CEP162: variants seen among roughly 807,000 people sequenced by gnomAD.
CEP162 encodes the protein centrosomal protein 162, also known as centrosomal protein of 162 kDa.
A neutral mutation model predicts 169.2 loss-of-function variants in CEP162; 141 were observed. The ratio of observed to expected loss-of-function variants is 0.83; its 90% CI spans 0.73 to 0.96. The LOEUF (loss-of-function observed/expected upper bound fraction) is 0.96. CEP162 is among the 40% of genes least tolerant of loss of function. The pLI, the probability that CEP162 is intolerant of heterozygous loss-of-function variation, is 0.00. For synonymous variants in CEP162, 540 were observed against 526.4 expected (o/e 1.03, Z -0.35); for missense variants, 1,600 against 1,587.2 (o/e 1.01, Z -0.14).
chr6:84,215,137 A>C lies in CEP162; in HGVS notation c.503+145T>G, dbSNP rs1223905015. On this transcript the variant is annotated intron_variant, in intron 5 of 26. Transcript: ENST00000403245. ...CTACTCACACATAAGAAAAACCCTA[A>C]CTATAAAATGAACAGATAATAGATT... 4 of 461,994 alleles carry C rather than the reference A, an allele frequency of 8.7e-6. No individual in the cohort carries two copies. The South Asian group carries it at 1.8e-4, about 21-fold the overall frequency. 28.6% of individuals were successfully genotyped at this position (461,994 alleles called of 1,614,324 possible).
At chr6:84,128,890 G>A (rs1393751021) in intron 25 of CEP162, among the ~76,000 whole-genome samples, 2 of 143,324 alleles carry the variant, frequency 1.4e-5, no homozygotes, top group African/African-American at 5.2e-5. Context: ...CCCCTCCTAT[G>A]TCACTGTGTT....
At position 84,152,854 on chromosome 6, in the gene CEP162, GTT is replaced by G. The variant is rs1562017840; in HGVS notation, c.3318_3319del (p.Lys1106AsnfsTer38). Reference sequence around the variant, plus strand: ...TCTGTCTTTCTGAAGCCTCTCCACAGTTTTTGAGAGGTCTTGTATTTCTCTCT... The same window carrying G: ...TCTGTCTTTCTGAAGCCTCTCCACAGTTTGAGAGGTCTTGTATTTCTCTCT... On this transcript the variant is annotated frameshift_variant, in exon 23 of 27. Transcript: ENST00000403245. LOFTEE classifies it high-confidence loss of function. 6 of 1,613,596 alleles carry G rather than the reference GTT, an allele frequency of 3.7e-6. No homozygotes were observed. The highest frequency in any genetic ancestry group is 4.2e-6 in the Non-Finnish European group (5 of 1,179,764).
chr6:84,223,267 G>A (rs1384979809), intron 2 of CEP162, among the ~76,000 whole-genome samples: 2 of 152,150 alleles, frequency 1.3e-5, no homozygotes, highest in South Asian at 2.1e-4. Context: ...TTGGGAAGCC[G>A]AGGTGGGCGG....
At chr6:84,132,657 C>T (rs1022893977) in intron 25 of CEP162, among the ~76,000 whole-genome samples, 10 of 152,170 alleles carry the variant, frequency 6.6e-5, no homozygotes, top group African/African-American at 2.4e-4. Context: ...CTTGTGCATA[C>T]ATCACATAGT....
chr6:84,188,334 C>T (rs1349249592), intron 11 of CEP162, among the ~76,000 whole-genome samples: 3 of 152,004 alleles, frequency 2.0e-5, no homozygotes, highest in Non-Finnish European at 4.4e-5. Context: ...ATTTCACACC[C>T]AGGTAATAAG....
chr6:84,152,911 A>C lies in CEP162; in HGVS notation c.3263T>G (p.Val1088Gly), dbSNP rs2099521683. ...TGCAGCCAGTTCTTCATTGAGTCTTACTAATTTAGCTTTAGCATGAGCCTG... is the reference window on the plus strand; with the variant it reads ...TGCAGCCAGTTCTTCATTGAGTCTTCCTAATTTAGCTTTAGCATGAGCCTG... ...VEQAHAKAKL[V>G]RLNEELAAKK... is the part of the protein sequence containing the mutation. The change falls in exon 23 of 27, where the codon GTA becomes GGA. Residue 1088 changes from valine to glycine, a missense_variant. Transcript: ENST00000403245. 1 of 1,613,594 alleles carries C rather than the reference A, an allele frequency of 6.2e-7. No individual in the cohort carries two copies. The highest frequency in any genetic ancestry group is 1.7e-5 in the Admixed American group (1 of 59,938).
chr6:84,152,665 G>GA lies in CEP162; in HGVS notation c.3508dup (p.Ser1170PhefsTer13). 6.2e-7 allele frequency: 1 copy of GA among 1,610,798 alleles called. No homozygotes were observed. The highest frequency in any genetic ancestry group is 8.5e-7 in the Non-Finnish European group (1 of 1,178,438). ...TCTGTAGTTTTCTTGTAAAACTTCT[G>GA]AAACATGGGAATCAGTGAAAGTATG... On this transcript the variant is annotated frameshift_variant, in exon 23 of 27. Coordinates refer to ENST00000403245, the MANE Select transcript of CEP162 (RefSeq NM_014895.4). LOFTEE classifies it high-confidence loss of function.
chr6:84,160,593 C>CAGGTCT (rs1223232609), intron 21 of CEP162, among the ~76,000 whole-genome samples: 2 of 152,274 alleles, frequency 1.3e-5, no homozygotes, highest in African/African-American at 2.4e-5. Flanking sequence ...CCTTTATCAA[C>CAGGTCT]AGGTCTACCA....
At chr6:84,146,597 G>T in intron 25 of CEP162, 90 bp downstream of exon 25, 1 of 593,908 alleles carries the variant, frequency 1.7e-6, no homozygotes. Flanking sequence ...ATATCTATTT[G>T]TACATTTAGG....
At chr6:84,189,892 A>G (rs535754194) in intron 11 of CEP162, among the ~76,000 whole-genome samples, 15 of 151,982 alleles carry the variant, frequency 9.9e-5, no homozygotes, top group African/African-American at 3.6e-4. Flanking sequence ...AAATACACCA[A>G]TCAGCACCCT....
In CEP162 at chr6:84,193,631, C is replaced by T. The variant is rs866734230; in HGVS notation, c.1087G>A (p.Gly363Ser). 6.4e-7 allele frequency: 1 copy of T among 1,562,472 alleles called. No homozygotes were observed. Among genetic ancestry groups the T allele is most frequent in the Non-Finnish European group, 8.7e-7 (1 of 1,151,896 alleles). Reference sequence around the variant, plus strand: ...TACCTGACAGGTTGTAAATCAAAACCACTGATCCCAAAGGAATCTATTCTG... The same window carrying T: ...TACCTGACAGGTTGTAAATCAAAACTACTGATCCCAAAGGAATCTATTCTG... ...PIRIDSFGIS[G>S]FDLQPVSSEK... is the part of the protein sequence containing the mutation. Residue 363 changes from glycine (G) to serine (S), a missense_variant, in exon 11 of 27, where the codon GGT (glycine) becomes AGT (serine). Physicochemically the swap from Gly to Ser is moderately conservative, Grantham distance 56. Transcript: ENST00000403245.
At position 84,215,768 on chromosome 6, in the gene CEP162, TTTC is replaced by T; in HGVS notation, c.319+5_319+7del. The T allele has an allele frequency of 6.3e-7, 1 of 1,578,826 alleles. No individual in the cohort carries two copies. The highest frequency in any genetic ancestry group is 1.2e-5 in the South Asian group (1 of 86,156). On this transcript the variant is annotated splice_donor_5th_base_variant and intron_variant, in intron 4 of 26. Transcript: ENST00000403245. ...AATTTACCAACTCATATCCCTTGCA[TTTC>T]TTACCATTTGTTTCTAAGCTATCAG...
intron 16 of CEP162, among the ~76,000 whole-genome samples, chr6:84,172,830 T>C (rs2099530702): frequency 6.6e-6 from 1 of 152,032 alleles, no homozygotes; most frequent in African/African-American, 2.4e-5. Context: ...AAGAGAAGAA[T>C]GTAATGAGAG....
chr6:84,182,681 G>A (rs1288635074), intron 13 of CEP162, among the ~76,000 whole-genome samples: 1 of 152,102 alleles, frequency 6.6e-6, no homozygotes, highest in African/African-American at 2.4e-5. Flanking sequence ...GGGTCCGGAG[G>A]CAGAGTAGCC....
chr6:84,146,598 T>C (rs2099518974), intron 25 of CEP162, 89 bp downstream of exon 25: 2 of 599,816 alleles, frequency 3.3e-6, no homozygotes, highest in South Asian at 2.4e-5. Flanking sequence ...TATCTATTTG[T>C]ACATTTAGGT....
chr6:84,208,104 A>G (rs1337575896), intron 6 of CEP162, among the ~76,000 whole-genome samples: 2 of 145,440 alleles, frequency 1.4e-5, no homozygotes, highest in Non-Finnish European at 3.0e-5. Context: ...CCCTTCCCTT[A>G]GGTAAATACT....
At chr6:84,155,760 G>A (rs1453007239) in intron 21 of CEP162, among the ~76,000 whole-genome samples, 1 of 152,122 alleles carries the variant, frequency 6.6e-6, no homozygotes, top group East Asian at 1.9e-4. Flanking sequence ...AACATCCCAT[G>A]TGCATAGACT....
intron 9 of CEP162, among the ~76,000 whole-genome samples, chr6:84,197,436 T>C (rs1293611993): frequency 6.6e-6 from 1 of 152,172 alleles, no homozygotes; most frequent in African/African-American, 2.4e-5. Flanking sequence ...GTTCCTTATC[T>C]GCCTTTTACA....
At chr6:84,199,897 A>G (rs922731820) in intron 9 of CEP162, among the ~76,000 whole-genome samples, 2 of 152,364 alleles carry the variant, frequency 1.3e-5, no homozygotes, top group South Asian at 2.1e-4. Context: ...TGTAACAAAC[A>G]TAAGTTTAAA....
Sources: allele counts gnomAD v4.1 joint callset (sites outside exome capture counted in the v4.1 genomes callset), GRCh38; gene constraint gnomAD v4.1.1; transcripts MANE v1.5; gene names NCBI Gene and HGNC (gene_info 2026-07-23, HGNC 2026-07-21).